TMTC1: variants seen among roughly 807,000 people sequenced by gnomAD.
The protein encoded by TMTC1 is transmembrane O-mannosyltransferase targeting cadherins 1.
TMTC1 carries 73 observed loss-of-function variants against 104.8 expected under a neutral mutation model. That is an observed-to-expected ratio of 0.70 (90% CI 0.58 to 0.85). The LOEUF (loss-of-function observed/expected upper bound fraction) is 0.85. Among genes scored for constraint, TMTC1 ranks in the 40% least tolerant of loss-of-function variants. The pLI, the probability that TMTC1 is intolerant of heterozygous loss-of-function variation, is 0.00. For synonymous variants in TMTC1, 434 were observed against 428.7 expected (o/e 1.01, Z -0.15); for missense variants, 1,035 against 1,096.1 (o/e 0.94, Z 0.79).
At chr12:29,741,891 T>A (rs1347250526) in intron 5 of TMTC1, among the ~76,000 whole-genome samples, 2 of 152,136 alleles carry the variant, frequency 1.3e-5, no homozygotes, top group African/African-American at 4.8e-5. Flanking sequence ...AAGAAACAAA[T>A]TACATTGGGG....
At position 29,627,705 on chromosome 12, in the gene TMTC1, AC is replaced by A. The variant is rs771980283; in HGVS notation, c.1128+5441del. On this transcript the variant is annotated intron_variant, in intron 6 of 17. Transcript: ENST00000539277. ...TAGTAGTCCAAAAAAAAAAAAAAAA[AC>A]CATCGAAAGTAGGAAAACATTGAAT... Among the ~76,000 whole-genome samples the A allele has an allele frequency of 7.4e-4, 106 of 143,348 alleles. 1 individual carries two copies. The highest frequency in any genetic ancestry group is 5.0e-3 in the Admixed American group (72 of 14,430). The allele number at this position is 143,348 out of a possible 152,430, so 94.0% of individuals were successfully genotyped here. A position where few individuals can be genotyped will look rare whatever the true frequency, so the allele number is the denominator to read the frequency against.
chr12:29,600,623 C>T (rs1225941019), intron 7 of TMTC1, among the ~76,000 whole-genome samples: 1 of 152,210 alleles, frequency 6.6e-6, no homozygotes, highest in Non-Finnish European at 1.5e-5. Context: ...TAAGATTCCT[C>T]CCGTGTCAGT....
At chr12:29,732,985 T>C (rs1565801258) in intron 5 of TMTC1, among the ~76,000 whole-genome samples, 1 of 152,212 alleles carries the variant, frequency 6.6e-6, no homozygotes, top group Non-Finnish European at 1.5e-5. Flanking sequence ...AATGTTCCAG[T>C]ACCTTCTCCT....
intron 6 of TMTC1, among the ~76,000 whole-genome samples, chr12:29,613,698 A>G (rs1946905271): frequency 6.6e-6 from 1 of 152,214 alleles, no homozygotes; most frequent in Non-Finnish European, 1.5e-5. Context: ...GAAAAGGATA[A>G]ATCAGATACA....
At chr12:29,600,186 G>A (rs1004172967) in intron 7 of TMTC1, among the ~76,000 whole-genome samples, 8 of 151,496 alleles carry the variant, frequency 5.3e-5, no homozygotes, top group Non-Finnish European at 1.2e-4. Flanking sequence ...TTATTAAATG[G>A]AACAGGCATT....
chr12:29,723,013 A>T (rs971235981), intron 5 of TMTC1, among the ~76,000 whole-genome samples: 3 of 151,858 alleles, frequency 2.0e-5, no homozygotes, highest in Admixed American at 1.3e-4. Context: ...CACAAAAATC[A>T]ATTTTATTTC....
rs1366127981 is a variant in TMTC1 at position 29,633,347 on chromosome 12, A to G, written c.939-11T>C. 6.3e-7 allele frequency: 1 copy of G among 1,589,490 alleles called. No individual in the cohort carries two copies. The highest frequency in any genetic ancestry group is 2.3e-5 in the East Asian group (1 of 44,432). ...GAATAGGTGAGGAATCTATAAAGAG[A>G]AGAAGAATCACTGAAACACTGCTCA... On this transcript the variant is annotated splice_polypyrimidine_tract_variant and intron_variant, in intron 5 of 17. Transcript: ENST00000539277.
intron 10 of TMTC1, among the ~76,000 whole-genome samples, chr12:29,544,657 T>C (rs990173611): frequency 6.6e-6 from 1 of 152,162 alleles, no homozygotes; most frequent in African/African-American, 2.4e-5. Flanking sequence ...GATAAACTAG[T>C]CCCAAGCCAG....
chr12:29,558,414 C>T (rs1485362508), intron 9 of TMTC1, among the ~76,000 whole-genome samples: 1 of 152,156 alleles, frequency 6.6e-6, no homozygotes, highest in African/African-American at 2.4e-5. Context: ...ACAGGGAAGA[C>T]AATTTGCACT....
chr12:29,609,584 C>T (rs1946790273), intron 6 of TMTC1, among the ~76,000 whole-genome samples: 1 of 152,324 alleles, frequency 6.6e-6, no homozygotes, highest in South Asian at 2.1e-4. Flanking sequence ...CCACAAAAGC[C>T]CTTATGTCTA....
rs879602127 is a variant in TMTC1, at chr12:29,725,011, G to GTTTTTTTTTTTTTT, written c.938+26654_938+26655insAAAAAAAAAAAAAA. On this transcript the variant is annotated intron_variant, in intron 5 of 17. Coordinates refer to ENST00000539277, the MANE Select transcript of TMTC1 (RefSeq NM_001193451.2). Reference sequence around the variant, plus strand: ...CGTAGTTTAGCTATATATCTGCCAAGTTCTTTTTTTTTTTTTTTTTTTTTT... The same window carrying GTTTTTTTTTTTTTT: ...CGTAGTTTAGCTATATATCTGCCAAGTTTTTTTTTTTTTTTTCTTTTTTTTTTTTTTTTTTTTTT... 5.6e-4 allele frequency among the ~76,000 whole-genome samples: 65 copies of GTTTTTTTTTTTTTT among 115,726 alleles called. 6 individuals carry two copies. The highest frequency in any genetic ancestry group is 1.1e-3 in the African/African-American group (36 of 32,304). 75.9% of individuals were successfully genotyped at this position (115,726 alleles called of 152,430 possible). A position where few individuals can be genotyped will look rare whatever the true frequency, so the allele number is the denominator to read the frequency against.
At chr12:29,521,533 A>C (rs1395474366) in intron 11 of TMTC1, among the ~76,000 whole-genome samples, 5 of 146,968 alleles carry the variant, frequency 3.4e-5, no homozygotes, top group Non-Finnish European at 7.5e-5. Flanking sequence ...ATTCTGAGTT[A>C]CTTTTTAGGT....
At chr12:29,574,102 C>T (rs1190148979) in intron 8 of TMTC1, among the ~76,000 whole-genome samples, 1 of 152,116 alleles carries the variant, frequency 6.6e-6, no homozygotes, top group Non-Finnish European at 1.5e-5. Flanking sequence ...ATTCGGGAGA[C>T]ATCCAGGAAG....
At chr12:29,571,322 G>T (rs1565678776) in intron 9 of TMTC1, among the ~76,000 whole-genome samples, 1 of 152,014 alleles carries the variant, frequency 6.6e-6, no homozygotes, top group East Asian at 1.9e-4. Context: ...TATCTGGGGT[G>T]TTTCACAGAA....
intron 9 of TMTC1, chr12:29,569,083 T>C (rs932662971): frequency 4.6e-6 from 2 of 435,904 alleles, no homozygotes; most frequent in African/African-American, 4.1e-5. Context: ...GACATTTTTC[T>C]TTGATGATTT....
intron 10 of TMTC1, among the ~76,000 whole-genome samples, chr12:29,537,052 G>A (rs981154076): frequency 1.3e-5 from 2 of 152,124 alleles, no homozygotes; most frequent in Non-Finnish European, 2.9e-5. Flanking sequence ...AGGAGACATT[G>A]GGTCATTATG....
chr12:29,694,783 T>C (rs572521446), intron 5 of TMTC1, among the ~76,000 whole-genome samples: 37 of 152,184 alleles, frequency 2.4e-4, no homozygotes, highest in African/African-American at 7.5e-4. Flanking sequence ...CTACTAAGAA[T>C]ACAAAAATTA....
chr12:29,687,258 T>G (rs12230192), intron 5 of TMTC1, among the ~76,000 whole-genome samples: 21,067 of 152,172 alleles, frequency 0.14, 1,743 homozygotes, highest in East Asian at 0.34. Context: ...TGATGAGTAG[T>G]GGACAAACAG....
chr12:29,618,718 T>C (rs1322537345), intron 6 of TMTC1, among the ~76,000 whole-genome samples: 1 of 152,124 alleles, frequency 6.6e-6, no homozygotes, highest in Non-Finnish European at 1.5e-5. Flanking sequence ...GCTTTTTGTC[T>C]AGAGGGACTT....
Sources: gnomAD v4.1 joint callset for allele counts (sites outside exome capture counted in the v4.1 genomes callset) on GRCh38, gnomAD v4.1.1 for gene constraint, MANE v1.5 for transcripts, NCBI Gene and HGNC (gene_info 2026-07-23, HGNC 2026-07-21) for gene names.